Variants in GTF3C1 observed in about 807,000 individuals in gnomAD.
GTF3C1 encodes general transcription factor 3C polypeptide 1.
Under a neutral mutation model 226.7 loss-of-function variants are expected in GTF3C1, and 57 were observed. The observed-to-expected ratio is 0.25, with a 90% confidence interval of 0.20 to 0.31. GTF3C1 has a LOEUF of 0.31. GTF3C1 is among the 10% of genes least tolerant of loss of function. GTF3C1 has a pLI of 1.00. For synonymous variants in GTF3C1, 1,090 were observed against 1,084.8 expected, an observed-to-expected ratio of 1.00 and a Z score of -0.09; for missense variants, 2,217 against 2,776.1, an observed-to-expected ratio of 0.80 and a Z score of 4.53.
At position 27,486,077 on chromosome 16, in the gene GTF3C1, G is replaced by A. The variant is rs749362461; in HGVS notation, c.3778C>T (p.Arg1260Trp). 2.1e-5 allele frequency: 34 copies of A among 1,608,404 alleles called. No individual in the cohort carries two copies. The highest frequency in any genetic ancestry group is 9.4e-5 in the African/African-American group (7 of 74,796). The part of the protein sequence containing the change: ...ADQSALQRMT[R>W]LRVTWSMQED... ...TGCATAGACCAGGTGACACGAAGCC[G>A]CGTCATCCGCTGCAGGGCACTCTGG... Residue 1260 changes from arginine (R) to tryptophan (W), a missense_variant, in exon 24 of 37, where the codon CGG (arginine) becomes TGG (tryptophan). Coordinates refer to ENST00000356183, the MANE Select transcript of GTF3C1 (RefSeq NM_001520.4).
intron 5 of GTF3C1, among the ~76,000 whole-genome samples, chr16:27,529,983 A>G (rs1334638987): frequency 6.6e-6 from 1 of 152,228 alleles, no homozygotes; most frequent in Non-Finnish European, 1.5e-5. Flanking sequence ...GCTTGTGGGT[A>G]TCACCCTCCT....
intron 27 of GTF3C1, 85 bp downstream of exon 27, chr16:27,480,994 C>G: frequency 8.9e-7 from 1 of 1,124,588 alleles, no homozygotes. Flanking sequence ...TGTGCGCTTC[C>G]CGGACCTGCT....
At chr16:27,541,591 G>A (rs2089084140) in intron 2 of GTF3C1, among the ~76,000 whole-genome samples, 1 of 152,172 alleles carries the variant, frequency 6.6e-6, no homozygotes, top group African/African-American at 2.4e-5. Flanking sequence ...AGAGTACTAC[G>A]ATGGTGTCTG....
chr16:27,476,848 A>C (rs1020635882), intron 28 of GTF3C1, among the ~76,000 whole-genome samples: 5 of 152,214 alleles, frequency 3.3e-5, no homozygotes, highest in Non-Finnish European at 5.9e-5. Context: ...TTTTCTCCGA[A>C]GAAAAAAGGT....
chr16:27,545,249 T>C, intron 2 of GTF3C1, 65 bp downstream of exon 2: 2 of 1,152,358 alleles, frequency 1.7e-6, no homozygotes, highest in South Asian at 2.5e-5. Flanking sequence ...AGTGCTGGGA[T>C]TACAGGCGTG....
intron 12 of GTF3C1, among the ~76,000 whole-genome samples, chr16:27,499,224 G>A (rs941212601): frequency 1.3e-5 from 2 of 152,246 alleles, no homozygotes; most frequent in African/African-American, 4.8e-5. Flanking sequence ...CAAACCGGCA[G>A]AGGATTTAGA....
intron 29 of GTF3C1, among the ~76,000 whole-genome samples, chr16:27,472,559 G>A (rs544768191): frequency 1.9e-4 from 29 of 152,240 alleles, no homozygotes; most frequent in Admixed American, 1.1e-3. Flanking sequence ...AGTCCTTCAC[G>A]ACAAGGAGCC....
chr16:27,495,776 A>G (rs1415150673), intron 14 of GTF3C1, among the ~76,000 whole-genome samples: 1 of 152,230 alleles, frequency 6.6e-6, no homozygotes, highest in East Asian at 1.9e-4. Context: ...CCTTAGAGTG[A>G]ACTCCAGTCG....
At chr16:27,522,759 A>G (rs140887610) in intron 6 of GTF3C1, among the ~76,000 whole-genome samples, 45 of 152,300 alleles carry the variant, frequency 3.0e-4, no homozygotes, top group African/African-American at 1.0e-3. Context: ...ATTTACATAA[A>G]TCTTAACTTT....
chr16:27,507,128 C>T lies in GTF3C1; in HGVS notation c.1271G>A (p.Arg424Gln). Reference sequence around the variant, plus strand: ...CACGCAGGAAATGTACTTGGTGGTTCGCTGCCGACCTTCGTCTTCCATGAA... The same window carrying T: ...CACGCAGGAAATGTACTTGGTGGTTTGCTGCCGACCTTCGTCTTCCATGAA... ...KGFMEDEGRQ[R>Q]TTKYISCVFA... The change falls in exon 9 of 37, where the codon CGA (arginine) becomes CAA (glutamine). Residue 424 changes from arginine (R) to glutamine (Q), a missense_variant. Around this residue, in one of 12 missense-constraint regions of GTF3C1, gnomAD observed 25 missense variants for 71.9 expected, o/e 0.35. Coordinates refer to ENST00000356183, the MANE Select transcript of GTF3C1 (RefSeq NM_001520.4). This position sits in a 1 kb window ranked among gnomAD's most constrained non-coding sequence, Gnocchi z 4.9. 1.2e-6 allele frequency: 2 copies of T among 1,608,882 alleles called. No individual in the cohort carries two copies. Among genetic ancestry groups the T allele is most frequent in the Non-Finnish European group, 8.5e-7 (1 of 1,176,682 alleles).
intron 25 of GTF3C1, 42 bp from the exon 26 acceptor site, chr16:27,483,167 T>A: frequency 6.4e-7 from 1 of 1,571,826 alleles, no homozygotes; most frequent in South Asian, 1.1e-5. Context: ...GGAATTGCAA[T>A]GATGCCCATG....
At chr16:27,531,726 C>G (rs896796117) in intron 5 of GTF3C1, among the ~76,000 whole-genome samples, 8 of 152,230 alleles carry the variant, frequency 5.3e-5, no homozygotes, top group Non-Finnish European at 1.0e-4. Flanking sequence ...CTAGCCCTGT[C>G]TCCCTGCCCC....
intron 29 of GTF3C1, among the ~76,000 whole-genome samples, chr16:27,472,665 T>C (rs577166595): frequency 6.6e-6 from 1 of 152,270 alleles, no homozygotes; most frequent in East Asian, 1.9e-4. Flanking sequence ...TGGACCTTCT[T>C]ACATTTCTTG....
intron 23 of GTF3C1, among the ~76,000 whole-genome samples, chr16:27,487,811 A>G (rs1190441896): frequency 6.6e-6 from 1 of 152,210 alleles, no homozygotes; most frequent in African/African-American, 2.4e-5. Context: ...AAAAATTAAA[A>G]AATTAAAATG....
intron 9 of GTF3C1, among the ~76,000 whole-genome samples, chr16:27,506,614 A>C (rs2088488794): frequency 6.6e-6 from 1 of 152,202 alleles, no homozygotes; most frequent in Non-Finnish European, 1.5e-5. Context: ...TTTAATAGTA[A>C]AAACAAGCAA....
rs764794275 is a variant in GTF3C1, at chr16:27,494,726, G to A, written c.2778+37C>T. 13 of 1,554,528 alleles carry A rather than the reference G, an allele frequency of 8.4e-6. No individual in the cohort carries two copies. The South Asian group carries it at 1.2e-4, about 15-fold the overall frequency. ...GTAGGCCCTCCAGCCCAGAGCTGAGGGGCAATTCCTGTGATAATGGCTCCT... is the reference window on the plus strand; with the variant it reads ...GTAGGCCCTCCAGCCCAGAGCTGAGAGGCAATTCCTGTGATAATGGCTCCT... On this transcript the variant is annotated intron_variant, in intron 16 of 36. Transcript: ENST00000356183.
chr16:27,471,904 C>T lies in GTF3C1; in HGVS notation c.4370G>A (p.Arg1457Gln), dbSNP rs747237306. Residue 1457 changes from arginine (R) to glutamine (Q), a missense_variant, in exon 30 of 37, where the codon CGG (arginine) becomes CAG (glutamine). Arg to Gln is a conservative substitution (Grantham distance 43). Coordinates refer to ENST00000356183, the MANE Select transcript of GTF3C1 (RefSeq NM_001520.4). The surrounding 1 kb of genome is among the most constrained non-coding windows in gnomAD (Gnocchi z 5.0). Reference sequence around the variant, plus strand: ...CACAAGAACGTGGTCCTTGTACTCCCGATAGAGGCGGAAAGTCTGCAACAC... The same window carrying T: ...CACAAGAACGTGGTCCTTGTACTCCTGATAGAGGCGGAAAGTCTGCAACAC... ...YQSFQTFRLYREYKDHVLVKA... is the reference protein window; with the variant it reads ...YQSFQTFRLYQEYKDHVLVKA... 70 of 1,613,936 alleles carry T rather than the reference C, an allele frequency of 4.3e-5. No homozygotes were observed. The highest frequency in any genetic ancestry group is 1.3e-4 in the South Asian group (12 of 91,074).
chr16:27,463,449 G>A lies in GTF3C1; in HGVS notation c.5924+92C>T. The A allele has an allele frequency of 1.3e-6, 1 of 781,992 alleles. No individual in the cohort carries two copies. Among genetic ancestry groups the A allele is most frequent in the Admixed American group, 2.1e-5 (1 of 47,426 alleles). 48.4% of individuals were successfully genotyped at this position (781,992 alleles called of 1,614,324 possible). The stretch of plus-strand genomic sequence containing the variant: ...CAGGCTGTCAGAGCTGGTACCTGGG[G>A]AAAGACCCTCAAAGACCCTCACACA... On this transcript the variant is annotated intron_variant, in intron 35 of 36. Coordinates refer to ENST00000356183, the MANE Select transcript of GTF3C1 (RefSeq NM_001520.4). The surrounding 1 kb of genome is among the most constrained non-coding windows in gnomAD (Gnocchi z 4.9).
At chr16:27,483,518 A>G (rs2088088530) in intron 25 of GTF3C1, 1 of 459,898 alleles carries the variant, frequency 2.2e-6, no homozygotes, top group African/African-American at 2.0e-5. Context: ...ACTGCAAAGC[A>G]GGTGTGTCCA....
Sources: allele counts gnomAD v4.1 joint callset (sites outside exome capture counted in the v4.1 genomes callset), GRCh38; gene constraint gnomAD v4.1.1; regional missense constraint gnomAD v4.1.1; non-coding constraint Gnocchi (gnomAD v3.1); transcripts MANE v1.5; gene names NCBI Gene and HGNC (gene_info 2026-07-23, HGNC 2026-07-21).